The following TENM2 variants were observed in gnomAD, a reference collection of about 807,000 sequenced individuals.
TENM2 encodes teneurin transmembrane protein 2.
In TENM2, 52 loss-of-function variants were observed where a neutral mutation model predicts 245.2. That is an observed-to-expected ratio of 0.21 (90% CI 0.17 to 0.27). The LOEUF is 0.27. TENM2 is among the 10% of genes least tolerant of loss of function. TENM2 has a pLI of 1.00. For missense variants in TENM2, 3,046 were observed against 3,666.8 expected (o/e 0.83, Z 4.37); for synonymous variants, 1,363 against 1,438.9 (o/e 0.95, Z 1.19).
the TENM2 span, among the ~76,000 whole-genome samples, chr5:167,036,690 A>G: frequency 5.3e-5 from 8 of 152,194 alleles, no homozygotes; most frequent in Non-Finnish European, 1.5e-5. Context: ...TTTGAGTAAG[A>G]AGAACCAAAT....
At chr5:167,117,227 G>T in the TENM2 span, among the ~76,000 whole-genome samples, 1 of 152,206 alleles carries the variant, frequency 6.6e-6, no homozygotes, top group African/African-American at 2.4e-5. Flanking sequence ...AAACAGGCTG[G>T]GCGCCATGGC....
At chr5:167,448,641 CCAG>C (rs1765374688) in intron 2 of TENM2, among the ~76,000 whole-genome samples, 1 of 150,736 alleles carries the variant, frequency 6.6e-6, no homozygotes, top group Non-Finnish European at 1.5e-5. Context: ...ACACATAGCA[CCAG>C]GAAGCAATAC....
intron 2 of TENM2, among the ~76,000 whole-genome samples, chr5:167,501,739 G>A (rs1161306958): frequency 6.6e-6 from 1 of 152,086 alleles, no homozygotes; most frequent in Non-Finnish European, 1.5e-5. Context: ...TTAGTTAGAA[G>A]ATTTGGAGAC....
Position 168,198,921 on chromosome 5 carries a change from A to G in TENM2, c.2969A>G (p.Gln990Arg), listed in dbSNP as rs369093709. ...TTTGAGCGAGCCCCGTTCATGAGCC[A>G]GGAGCGCACTGTGTGGCTGCCGTGG... Residue 990 changes from glutamine to arginine, a missense_variant, in exon 16 of 29, where the codon CAG becomes CGG. Coordinates refer to ENST00000518659, the Ensembl canonical transcript of TENM2. 4 of 1,613,956 alleles carry G rather than the reference A, an allele frequency of 2.5e-6. No homozygotes were observed. The African/African-American group carries it at 5.3e-5, about 22-fold the overall frequency.
chr5:167,930,700 A>G (rs1405406851), intron 3 of TENM2, among the ~76,000 whole-genome samples: 2 of 152,038 alleles, frequency 1.3e-5, no homozygotes, highest in African/African-American at 4.8e-5. Context: ...CCAGGCTGGT[A>G]GAATTTTTTT....
chr5:167,596,488 T>TA (rs1391263022), intron 2 of TENM2, among the ~76,000 whole-genome samples: 4 of 151,828 alleles, frequency 2.6e-5, no homozygotes, highest in African/African-American at 2.4e-5. Flanking sequence ...GTGTTAATGG[T>TA]AAAAAATAAA....
intron 1 of TENM2, among the ~76,000 whole-genome samples, chr5:167,311,597 G>A (rs753291245): frequency 3.9e-4 from 59 of 152,026 alleles, no homozygotes; most frequent in African/African-American, 1.0e-3. Flanking sequence ...TTTAGTTTTC[G>A]TGCGTTTTTC....
chr5:167,955,262 C>G (rs560589163), intron 4 of TENM2, among the ~76,000 whole-genome samples: 1 of 152,210 alleles, frequency 6.6e-6, no homozygotes, highest in Non-Finnish European at 1.5e-5. Context: ...ACATGAATGT[C>G]TTCTTTTGAG....
chr5:167,946,338 T>C (rs1226531099), intron 3 of TENM2, among the ~76,000 whole-genome samples: 1 of 140,288 alleles, frequency 7.1e-6, no homozygotes, highest in African/African-American at 2.9e-5. Flanking sequence ...TCATTCCTCA[T>C]GCTGCCCCTC....
intron 2 of TENM2, among the ~76,000 whole-genome samples, chr5:167,391,070 A>G (rs1237516418): frequency 6.6e-6 from 1 of 152,016 alleles, no homozygotes; most frequent in Admixed American, 6.6e-5. Context: ...AAACCCACCT[A>G]CCCATCACAT....
At chr5:167,168,372 A>C in the TENM2 span, 6 of 152,216 alleles carry the variant, frequency 3.9e-5, no homozygotes, top group Non-Finnish European at 7.3e-5. Flanking sequence ...CAGCTGTCTC[A>C]GCAAAAATTG....
At chr5:168,148,850 T>TAATA (rs1271914567) in intron 12 of TENM2, among the ~76,000 whole-genome samples, 2 of 151,014 alleles carry the variant, frequency 1.3e-5, no homozygotes, top group African/African-American at 4.9e-5. Flanking sequence ...TTTGACAGAT[T>TAATA]AATAAATAAA....
chr5:167,596,922 A>G (rs939811991), intron 2 of TENM2, among the ~76,000 whole-genome samples: 4 of 152,020 alleles, frequency 2.6e-5, no homozygotes, highest in Admixed American at 6.5e-5. Flanking sequence ...CCTTCGGGGG[A>G]CACAAAACGT....
intron 5 of TENM2, 56 bp downstream of exon 7, chr5:167,993,238 G>A (rs906331315): frequency 4.5e-5 from 64 of 1,437,376 alleles, no homozygotes; most frequent in Middle Eastern, 4.0e-4. Flanking sequence ...GAGGGGAGAG[G>A]CCATGGACTT....
At chr5:167,044,628 A>G in the TENM2 span, among the ~76,000 whole-genome samples, 1 of 152,160 alleles carries the variant, frequency 6.6e-6, no homozygotes, top group South Asian at 2.1e-4. Context: ...TGACACCAAT[A>G]TGTCTCAGGC....
At chr5:167,223,043 T>C in the TENM2 span, among the ~76,000 whole-genome samples, 2 of 152,128 alleles carry the variant, frequency 1.3e-5, no homozygotes, top group Non-Finnish European at 2.9e-5. Context: ...TCTAAGTAGA[T>C]TAAAATTTTT....
chr5:167,569,435 C>G (rs1050067347), intron 2 of TENM2, among the ~76,000 whole-genome samples: 5 of 152,012 alleles, frequency 3.3e-5, no homozygotes, highest in African/African-American at 1.2e-4. Flanking sequence ...GGGGCACAAA[C>G]CAGAAAAGCC....
chr5:167,494,759 T>C (rs1478789005), intron 2 of TENM2, among the ~76,000 whole-genome samples: 1 of 152,134 alleles, frequency 6.6e-6, no homozygotes, highest in Non-Finnish European at 1.5e-5. Context: ...AATCCAATTA[T>C]GCCATTTTTC....
chr5:167,021,516 G>T, the TENM2 span, among the ~76,000 whole-genome samples: 1 of 152,206 alleles, frequency 6.6e-6, no homozygotes, highest in Admixed American at 6.5e-5. Context: ...TCACCTTCGT[G>T]TTGTAGTTTT....
Sources: allele counts gnomAD v4.1 joint callset (sites outside exome capture counted in the v4.1 genomes callset), GRCh38; gene constraint gnomAD v4.1.1; transcripts MANE v1.5; gene names NCBI Gene and HGNC (gene_info 2026-07-23, HGNC 2026-07-21).